NEGR1: variants seen among roughly 807,000 people sequenced by gnomAD.
NEGR1 encodes IgLON family member 4.
A neutral mutation model predicts 40.9 loss-of-function variants in NEGR1; 10 were observed. That is an observed-to-expected ratio of 0.24 (90% confidence interval 0.15 to 0.42). The LOEUF is 0.42. Among genes scored for constraint, NEGR1 ranks in the 10% least tolerant of loss-of-function variants. The probability of loss-of-function intolerance (pLI) is 1.00; values close to 1 mark genes in which losing one functional copy is unlikely to be tolerated. For missense variants in NEGR1, 352 were observed against 438.9 expected (o/e 0.80, Z 1.77); for synonymous variants, 185 against 166.8 (o/e 1.11, Z -0.84).
chr1:72,014,191 T>G (rs1330817641), intron 1 of NEGR1, among the ~76,000 whole-genome samples: 5 of 151,952 alleles, frequency 3.3e-5, no homozygotes, highest in Non-Finnish European at 7.4e-5. Context: ...TATTAGCTAG[T>G]GTTGTTTATT....
chr1:71,978,609 T>C (rs1457912315), intron 1 of NEGR1, among the ~76,000 whole-genome samples: 1 of 152,120 alleles, frequency 6.6e-6, no homozygotes, highest in African/African-American at 2.4e-5. Flanking sequence ...GAAAAAAAGT[T>C]CAATATCACT....
At chr1:71,981,654 T>C (rs1173523782) in intron 1 of NEGR1, among the ~76,000 whole-genome samples, 1 of 152,108 alleles carries the variant, frequency 6.6e-6, no homozygotes, top group Non-Finnish European at 1.5e-5. Flanking sequence ...CAAGGTTTAG[T>C]GGAAGGCATA....
chr1:72,035,183 C>T (rs549377721), intron 1 of NEGR1, among the ~76,000 whole-genome samples: 2 of 152,236 alleles, frequency 1.3e-5, no homozygotes, highest in South Asian at 4.1e-4. Context: ...TGTAGGAAAT[C>T]GATTGCATTC....
intron 2 of NEGR1, among the ~76,000 whole-genome samples, chr1:71,785,488 T>TA (rs938707605): frequency 4.6e-5 from 7 of 152,220 alleles, no homozygotes; most frequent in Admixed American, 2.6e-4. Context: ...TTTAAGAACT[T>TA]AAAAAAATTT....
At chr1:72,052,883 G>C (rs1557502869) in intron 1 of NEGR1, among the ~76,000 whole-genome samples, 2 of 151,316 alleles carry the variant, frequency 1.3e-5, no homozygotes, top group South Asian at 2.1e-4. Flanking sequence ...GATTCCATTA[G>C]ATTCTCAATG....
intron 6 of NEGR1, among the ~76,000 whole-genome samples, chr1:71,481,948 G>C (rs1039455948): frequency 1.3e-5 from 2 of 151,222 alleles, no homozygotes; most frequent in African/African-American, 4.9e-5. Context: ...CACTTTCTCT[G>C]TACTTTAGTT....
chr1:71,658,671 A>G (rs754570620), intron 4 of NEGR1, among the ~76,000 whole-genome samples: 8 of 152,336 alleles, frequency 5.3e-5, no homozygotes, highest in Non-Finnish European at 7.4e-5. Flanking sequence ...ATACTAATAG[A>G]CAATTAGAAA....
intron 4 of NEGR1, among the ~76,000 whole-genome samples, chr1:71,617,561 G>A (rs543695659): frequency 1.3e-5 from 2 of 152,314 alleles, no homozygotes; most frequent in Admixed American, 6.5e-5. Flanking sequence ...ATGCATGGAC[G>A]GAGTTGCTGC....
At chr1:71,489,579 T>A (rs931005899) in intron 6 of NEGR1, 1 of 151,970 alleles carries the variant, frequency 6.6e-6, no homozygotes. Flanking sequence ...GTGTTAATAA[T>A]AATCCACATA....
intron 4 of NEGR1, among the ~76,000 whole-genome samples, chr1:71,613,933 T>C (rs1326965585): frequency 6.6e-6 from 1 of 152,122 alleles, no homozygotes; most frequent in Middle Eastern, 3.2e-3. Flanking sequence ...CAGTGAATAC[T>C]GAATATATAG....
At chr1:71,575,946 C>T (rs1011962544) in intron 6 of NEGR1, among the ~76,000 whole-genome samples, 2 of 152,194 alleles carry the variant, frequency 1.3e-5, no homozygotes, top group African/African-American at 4.8e-5. Context: ...TCTGCTATTA[C>T]AGATGTTCAA....
At chr1:71,621,416 T>C (rs1227974518) in intron 4 of NEGR1, among the ~76,000 whole-genome samples, 2 of 151,860 alleles carry the variant, frequency 1.3e-5, no homozygotes, top group South Asian at 2.1e-4. Context: ...CTTGGGTATA[T>C]AAAAGATCAT....
chr1:71,552,155 A>T (rs1246667446), intron 6 of NEGR1, among the ~76,000 whole-genome samples: 1 of 151,528 alleles, frequency 6.6e-6, no homozygotes, highest in South Asian at 2.1e-4. Flanking sequence ...TATCTGATCC[A>T]ATACCTAATT....
chr1:71,917,535 A>T (rs1661618601), intron 2 of NEGR1, among the ~76,000 whole-genome samples: 1 of 152,108 alleles, frequency 6.6e-6, no homozygotes, highest in Middle Eastern at 3.2e-3. Flanking sequence ...TCATGCTTGT[A>T]ATCCCAGCAC....
intron 2 of NEGR1, among the ~76,000 whole-genome samples, chr1:71,930,986 G>A (rs1645849965): frequency 6.6e-6 from 1 of 152,136 alleles, no homozygotes; most frequent in African/African-American, 2.4e-5. Flanking sequence ...ACTTCAGCAA[G>A]GAGGCTCTCT....
intron 1 of NEGR1, among the ~76,000 whole-genome samples, chr1:72,081,118 G>T (rs1034626374): frequency 1.3e-5 from 2 of 152,078 alleles, no homozygotes; most frequent in African/African-American, 4.8e-5. Flanking sequence ...CAGTTGTACT[G>T]GTCAGAAAAA....
chr1:71,938,223 A>G (rs556731833), intron 1 of NEGR1, among the ~76,000 whole-genome samples: 1 of 152,192 alleles, frequency 6.6e-6, no homozygotes, highest in African/African-American at 2.4e-5. Context: ...AACATAAATA[A>G]CCCAAATTAC....
At chr1:71,587,626 G>A (rs1557577418) in intron 6 of NEGR1, among the ~76,000 whole-genome samples, 1 of 148,214 alleles carries the variant, frequency 6.7e-6, no homozygotes, top group Admixed American at 6.9e-5. Flanking sequence ...TTGTTACTTT[G>A]AATAAATGCA....
intron 2 of NEGR1, among the ~76,000 whole-genome samples, chr1:71,805,692 ATTTC>A (rs1425711557): frequency 5.3e-5 from 8 of 152,202 alleles, no homozygotes; most frequent in Admixed American, 5.2e-4. Flanking sequence ...AATTTCTCTT[ATTTC>A]TTTTGTTAAA....
Sources: allele counts gnomAD v4.1 joint callset (sites outside exome capture counted in the v4.1 genomes callset), GRCh38; gene constraint gnomAD v4.1.1; transcripts MANE v1.5; gene names NCBI Gene and HGNC (gene_info 2026-07-23, HGNC 2026-07-21).